The following MOV10L1 variants were observed in gnomAD, a reference collection of about 807,000 sequenced individuals.
MOV10L1 encodes Mov10 like RNA helicase 1.
In MOV10L1, 110 loss-of-function variants were observed where a neutral mutation model predicts 143.8. That is an observed-to-expected ratio of 0.76 (90% CI 0.66 to 0.90). The LOEUF (loss-of-function observed/expected upper bound fraction) is 0.90. Ranked by LOEUF, MOV10L1 falls within the 40% of genes least tolerant of loss-of-function variation. The pLI, the probability that MOV10L1 is intolerant of heterozygous loss-of-function variation, is 0.00. For synonymous variants in MOV10L1, 593 were observed against 581.1 expected, an observed-to-expected ratio of 1.02 and a Z score of -0.29; for missense variants, 1,406 against 1,526.8, an observed-to-expected ratio of 0.92 and a Z score of 1.32.
chr22:50,122,723 TTTTC>T (rs149625408), intron 10 of MOV10L1, among the ~76,000 whole-genome samples: 240 of 150,354 alleles, frequency 1.6e-3, no homozygotes, highest in East Asian at 4.9e-3. Flanking sequence ...GAGGTGATGG[TTTTC>T]TTTCTTTCTT....
intron 12 of MOV10L1, among the ~76,000 whole-genome samples, chr22:50,127,927 C>T (rs1443566783): frequency 2.0e-5 from 3 of 152,108 alleles, no homozygotes; most frequent in African/African-American, 7.2e-5. Context: ...TGCCCAGCAC[C>T]ACGCCTGGGT....
chr22:50,145,962 C>A, intron 19 of MOV10L1, 152 bp downstream of exon 19: 4 of 1,265,490 alleles, frequency 3.2e-6, no homozygotes, highest in Non-Finnish European at 4.4e-6. Context: ...TGGGGAGGGC[C>A]GTGCCTGAAT....
At chr22:50,139,132 A>G (rs1411104944) in intron 15 of MOV10L1, among the ~76,000 whole-genome samples, 2 of 152,074 alleles carry the variant, frequency 1.3e-5, no homozygotes, top group African/African-American at 2.4e-5. Flanking sequence ...GGAAGATTCC[A>G]TATTATCAAG....
chr22:50,145,596 G>T (rs375662399), intron 18 of MOV10L1, 93 bp from the exon 19 acceptor site: 14 of 1,498,760 alleles, frequency 9.3e-6, no homozygotes, highest in East Asian at 2.3e-5. Flanking sequence ...TGACTTAGAC[G>T]TAACTAAGAA....
At chr22:50,153,858 T>G (rs1013269726) in intron 22 of MOV10L1, among the ~76,000 whole-genome samples, 7 of 151,754 alleles carry the variant, frequency 4.6e-5, no homozygotes, top group Non-Finnish European at 1.0e-4. Context: ...GAAGGGGCAT[T>G]CAAGGTATCT....
At chr22:50,139,040 T>C (rs2062910664) in intron 15 of MOV10L1, among the ~76,000 whole-genome samples, 1 of 151,956 alleles carries the variant, frequency 6.6e-6, no homozygotes, top group South Asian at 2.1e-4. Context: ...CTAAATGTTT[T>C]AAACATTAGG....
intron 19 of MOV10L1, among the ~76,000 whole-genome samples, chr22:50,146,018 T>C (rs2147378841): frequency 6.6e-6 from 1 of 151,870 alleles, no homozygotes; most frequent in East Asian, 1.9e-4. Context: ...GAGCCAGCAG[T>C]GGGATGGGCA....
At chr22:50,108,574 G>T in intron 4 of MOV10L1, 83 bp from the exon 5 acceptor site, 1 of 1,470,986 alleles carries the variant, frequency 6.8e-7, no homozygotes, top group Non-Finnish European at 9.4e-7. Flanking sequence ...TGTGTGCTTT[G>T]GGCTGACTTG....
rs1257942647 is a variant in MOV10L1 at position 50,158,277 on chromosome 22, A to G, written c.3216+71A>G. The stretch of plus-strand genomic sequence containing the variant: ...CCTGCTCCTTGGCTCCTGCAGCTCC[A>G]CAGAGGCAGGAACAAGCTCCTTGTG... On this transcript the variant is annotated intron_variant, in intron 23 of 26. Coordinates refer to ENST00000262794, the MANE Select transcript of MOV10L1 (RefSeq NM_018995.3). The surrounding 1 kb of genome is among the most constrained non-coding windows in gnomAD (Gnocchi z 5.0). The G allele has an allele frequency of 1.9e-6, 3 of 1,576,722 alleles. No individual in the cohort carries two copies. The highest frequency in any genetic ancestry group is 1.4e-5 in the African/African-American group (1 of 73,976).
chr22:50,114,718 A>ACACCCGGCAG, intron 7 of MOV10L1, 96 bp downstream of exon 7: 1 of 1,529,086 alleles, frequency 6.5e-7, no homozygotes, highest in African/African-American at 1.4e-5. Context: ...AGGGGCCAGG[A>ACACCCGGCAG]CACCCGGCAG....
Position 50,141,052 on chromosome 22 carries a change from C to CT in MOV10L1, c.2071-1017dup, listed in dbSNP as rs200180207. Among the ~76,000 whole-genome samples the CT allele has an allele frequency of 8.1e-3, 1,179 of 145,706 alleles. 5 individuals are homozygous for CT. Among genetic ancestry groups the CT allele is most frequent in the Non-Finnish European group, 0.011 (721 of 65,594 alleles). On this transcript the variant is annotated intron_variant, in intron 15 of 26. Transcript: ENST00000262794. ...AGAAAACCAATTCTTGTGTAGGATCCTTTTTTTTTTTTGTTTTGAGACAGA... is the reference window on the plus strand; with the variant it reads ...AGAAAACCAATTCTTGTGTAGGATCCTTTTTTTTTTTTTGTTTTGAGACAGA...
At position 50,113,656 on chromosome 22, in the gene MOV10L1, C is replaced by G; in HGVS notation, c.752C>G (p.Ala251Gly). 1 of 1,613,566 alleles carries G rather than the reference C, an allele frequency of 6.2e-7. No individual in the cohort carries two copies. Among genetic ancestry groups the G allele is most frequent in the Non-Finnish European group, 8.5e-7 (1 of 1,179,848 alleles). The change falls in exon 6 of 27, where the codon GCC becomes GGC. Residue 251 changes from alanine (A) to glycine (G), a missense_variant. By Grantham distance (60) the Ala-to-Gly change is moderately conservative (BLOSUM62 0). This residue lies in a region of MOV10L1 where 1,233 missense variants were observed against 1,351.4 expected (regional missense o/e 0.91). Transcript: ENST00000262794. ...CMTLVKRRDAAPVHEATHFYG... is the reference protein window; with the variant it reads ...CMTLVKRRDAGPVHEATHFYG... Reference sequence around the variant, plus strand: ...TGGGGCTCTTTTTTCAGAGACGCCGCCCCTGTTCATGAGGCCACTCATTTC... The same window carrying G: ...TGGGGCTCTTTTTTCAGAGACGCCGGCCCTGTTCATGAGGCCACTCATTTC...
At chr22:50,116,318 G>A (rs1395450752) in intron 8 of MOV10L1, among the ~76,000 whole-genome samples, 1 of 151,834 alleles carries the variant, frequency 6.6e-6, no homozygotes, top group Non-Finnish European at 1.5e-5. Context: ...GTGGTGGCGG[G>A]CACCTGTAGT....
In MOV10L1 at chr22:50,161,531, C is replaced by G; in HGVS notation, c.*82C>G. The G allele has an allele frequency of 7.4e-7, 1 of 1,356,776 alleles. No homozygotes were observed. The highest frequency in any genetic ancestry group is 1.0e-6 in the Non-Finnish European group (1 of 991,994). 84.0% of individuals were successfully genotyped at this position (1,356,776 alleles called of 1,614,324 possible). On this transcript the variant is annotated 3_prime_UTR_variant, in exon 27 of 27. Coordinates refer to ENST00000262794, the MANE Select transcript of MOV10L1 (RefSeq NM_018995.3). The stretch of plus-strand genomic sequence containing the variant: ...CAGTCTGCTCCGTGGCTCCTGTGGC[C>G]TGCCCTTGTCTCGCAGCCAGGCAGG...
chr22:50,142,021 A>T, intron 15 of MOV10L1, 60 bp from the exon 16 acceptor site: 1 of 1,444,744 alleles, frequency 6.9e-7, no homozygotes. Context: ...TGCTCTTTCA[A>T]CCAAGCCAGT....
At chr22:50,113,512 A>T in intron 5 of MOV10L1, 136 bp from the exon 6 acceptor site, 1 of 1,185,496 alleles carries the variant, frequency 8.4e-7, no homozygotes, top group Non-Finnish European at 1.2e-6. Flanking sequence ...TTAGAAACCT[A>T]AGTCTGTGGA....
In MOV10L1 at chr22:50,113,699, G is replaced by A. The variant is rs1397228294; in HGVS notation, c.795G>A (p.Leu265=). The A allele has an allele frequency of 6.2e-7, 1 of 1,614,016 alleles. No homozygotes were observed. The highest frequency in any genetic ancestry group is 1.1e-5 in the South Asian group (1 of 91,064). The change falls in exon 6 of 27, where the codon CTG becomes CTA. Residue 265 remains leucine, a synonymous_variant. Transcript: ENST00000262794. ...CTCATTTCTATGGAACGATTTTGCT[G>A]AAGAACAAAGGTGATATTGAAGTTA... is the stretch of plus-strand genomic sequence containing the variant. ...EATHFYGTIL[L]KNKGDIEVTQ...
intron 3 of MOV10L1, among the ~76,000 whole-genome samples, chr22:50,105,192 ATTTT>A (rs1296969468): frequency 6.6e-6 from 1 of 152,094 alleles, no homozygotes; most frequent in African/African-American, 2.4e-5. Flanking sequence ...ACAATTCTGT[ATTTT>A]TTTCTATTGA....
intron 5 of MOV10L1, among the ~76,000 whole-genome samples, chr22:50,110,764 C>G (rs13053136): frequency 0.22 from 34,073 of 151,874 alleles, 4,181 homozygotes; most frequent in Admixed American, 0.35. Context: ...AACCCCATCT[C>G]TACTAAAATA....
Sources: gnomAD v4.1 joint callset for allele counts (sites outside exome capture counted in the v4.1 genomes callset) on GRCh38, gnomAD v4.1.1 for gene constraint, gnomAD v4.1.1 regional missense constraint, Gnocchi (gnomAD v3.1) non-coding constraint, MANE v1.5 for transcripts, NCBI Gene and HGNC (gene_info 2026-07-23, HGNC 2026-07-21) for gene names.